SCML4: variants seen among roughly 807,000 people sequenced by gnomAD.
SCML4 encodes Scm polycomb group protein like 4, also known as sex comb on midleg-like protein 4.
In SCML4, 34 loss-of-function variants were observed where a neutral mutation model predicts 41.1. The ratio of observed to expected loss-of-function variants is 0.83; its 90% CI spans 0.63 to 1.10. SCML4 has a LOEUF of 1.10. SCML4 is among the 50% of genes least tolerant of loss of function. SCML4 has a pLI of 0.00. For synonymous variants in SCML4, 214 were observed against 220.9 expected, an observed-to-expected ratio of 0.97 and a Z score of 0.28; for missense variants, 522 against 534.1, an observed-to-expected ratio of 0.98 and a Z score of 0.22.
At chr6:107,738,762 C>T (rs1302262602) in intron 5 of SCML4, among the ~76,000 whole-genome samples, 1 of 152,142 alleles carries the variant, frequency 6.6e-6, no homozygotes, top group Non-Finnish European at 1.5e-5. Flanking sequence ...CTCTGGGAGG[C>T]CCTTGCTAAT....
chr6:107,824,936 G>A (rs182323375), upstream of SCML4, among the ~76,000 whole-genome samples: 38 of 152,188 alleles, frequency 2.5e-4, no homozygotes, highest in African/African-American at 8.4e-4. Flanking sequence ...TTAAATCAGC[G>A]GCTGCCCACA....
chr6:107,778,957 G>A (rs1039130698), intron 1 of SCML4, among the ~76,000 whole-genome samples: 3 of 152,078 alleles, frequency 2.0e-5, no homozygotes, highest in Non-Finnish European at 4.4e-5. Flanking sequence ...GAGGCGGGCG[G>A]ATCACGAGGT....
chr6:107,768,541 T>C (rs997132955), intron 2 of SCML4, among the ~76,000 whole-genome samples: 1 of 152,308 alleles, frequency 6.6e-6, no homozygotes, highest in East Asian at 1.9e-4. Flanking sequence ...GAAGCATAAT[T>C]GCTATTCTGA....
At chr6:107,719,923 A>C (rs1775198683) in intron 6 of SCML4, 7 of 985,446 alleles carry the variant, frequency 7.1e-6, no homozygotes, top group Non-Finnish European at 8.4e-6. Flanking sequence ...ATTTTTTAAA[A>C]CATCAATCAG....
rs59683139 is a variant in SCML4, at chr6:107,813,355, G to A, written c.-60+10771C>T. Among the ~76,000 whole-genome samples the A allele has an allele frequency of 5.1e-3, 569 of 111,728 alleles. 5 individuals are homozygous for A. Among genetic ancestry groups the A allele is most frequent in the African/African-American group, 0.021 (533 of 25,790 alleles). 73.3% of individuals were successfully genotyped at this position (111,728 alleles called of 152,430 possible). On this transcript the variant is annotated intron_variant, in intron 1 of 7. Coordinates refer to ENST00000369020, the MANE Select transcript of SCML4 (RefSeq NM_198081.5). ...TCCAGCCTGGGTGACAGAGTGAGAC[G>A]CCATCTCAAAAAAATTATATATATA...
intron 5 of SCML4, 130 bp downstream of exon 5, chr6:107,744,819 G>A: frequency 1.3e-6 from 1 of 743,676 alleles, no homozygotes; most frequent in Non-Finnish European, 2.2e-6. Context: ...CAGGCACCCA[G>A]ACAGGCAGCC....
intron 3 of SCML4, 52 bp from the exon 4 acceptor site, chr6:107,746,941 G>T: frequency 6.7e-7 from 1 of 1,495,186 alleles, no homozygotes; most frequent in Non-Finnish European, 9.2e-7. Flanking sequence ...CATCAGGCCA[G>T]CTGGCGGCCT....
chr6:107,755,848 G>C (rs553444788), intron 2 of SCML4, among the ~76,000 whole-genome samples: 1 of 152,286 alleles, frequency 6.6e-6, no homozygotes, highest in South Asian at 2.1e-4. Flanking sequence ...TGTAATGCCA[G>C]AAAGTAAGAC....
chr6:107,813,396 A>G (rs1784329684), intron 1 of SCML4, among the ~76,000 whole-genome samples: 2 of 53,706 alleles, frequency 3.7e-5, no homozygotes, highest in South Asian at 7.0e-4. Context: ...ATATATATAT[A>G]TATATATATA....
At chr6:107,769,155 G>A (rs1353486251) in intron 2 of SCML4, among the ~76,000 whole-genome samples, 1 of 152,192 alleles carries the variant, frequency 6.6e-6, no homozygotes, top group Non-Finnish European at 1.5e-5. Context: ...GACGTTCAGA[G>A]GTTTTGCTTT....
intron 5 of SCML4, among the ~76,000 whole-genome samples, chr6:107,725,229 C>T (rs181667116): frequency 1.3e-5 from 2 of 152,166 alleles, no homozygotes; most frequent in East Asian, 1.9e-4. Flanking sequence ...ATATTTAAGG[C>T]GATGGATATC....
chr6:107,750,359 C>T (rs1778509892), intron 2 of SCML4, among the ~76,000 whole-genome samples: 1 of 152,182 alleles, frequency 6.6e-6, no homozygotes, highest in Non-Finnish European at 1.5e-5. Context: ...GATGTGGACA[C>T]AAGAGTGGGC....
At chr6:107,755,663 T>C (rs559822903) in intron 2 of SCML4, 2 of 1,288,684 alleles carry the variant, frequency 1.6e-6, no homozygotes, top group East Asian at 5.0e-5. Context: ...TGCCTTAGGT[T>C]TCTAAAAAAA....
chr6:107,764,195 C>T (rs193286577), intron 2 of SCML4, among the ~76,000 whole-genome samples: 29 of 152,300 alleles, frequency 1.9e-4, no homozygotes. Context: ...TAGGAGTCAG[C>T]CTGTAACTGG....
intron 5 of SCML4, among the ~76,000 whole-genome samples, chr6:107,737,909 T>C (rs1228396507): frequency 6.6e-6 from 1 of 152,152 alleles, no homozygotes; most frequent in African/African-American, 2.4e-5. Context: ...AAAAATTGAA[T>C]TTAGCTTAAT....
chr6:107,832,784 C>T, the SCML4 span, among the ~76,000 whole-genome samples: 2 of 152,122 alleles, frequency 1.3e-5, no homozygotes, highest in African/African-American at 2.4e-5. Flanking sequence ...GAAGAGAGGC[C>T]GTAGGGAGCG....
chr6:107,745,942 G>C (rs1045545788), intron 4 of SCML4: 1 of 152,094 alleles, frequency 6.6e-6, no homozygotes, highest in Non-Finnish European at 1.5e-5. Context: ...GCAGTGAGCC[G>C]TGATTGTGCC....
At chr6:107,845,078 G>C in the SCML4 span, among the ~76,000 whole-genome samples, 27,386 of 151,820 alleles carry the variant, frequency 0.18, 2,884 homozygotes, top group Middle Eastern at 0.25. Flanking sequence ...TCTATTAAAA[G>C]TACAAAAAAT....
chr6:107,755,315 G>A (rs1779013518), intron 2 of SCML4, among the ~76,000 whole-genome samples: 1 of 152,186 alleles, frequency 6.6e-6, no homozygotes, highest in African/African-American at 2.4e-5. Flanking sequence ...AAAGTCACGA[G>A]CAACTATGGG....
Sources: allele counts gnomAD v4.1 joint callset (sites outside exome capture counted in the v4.1 genomes callset), GRCh38; gene constraint gnomAD v4.1.1; transcripts MANE v1.5; gene names NCBI Gene and HGNC (gene_info 2026-07-23, HGNC 2026-07-21).